BBS9: variants seen among roughly 807,000 people sequenced by gnomAD.
BBS9 encodes the protein Bardet-Biedl syndrome 9, also known as protein PTHB1.
BBS9 carries 89 observed loss-of-function variants against 117.7 expected under a neutral mutation model. That is an observed-to-expected ratio of 0.76 (90% CI 0.64 to 0.90). BBS9 has a LOEUF of 0.90. BBS9 is among the 40% of genes least tolerant of loss of function. BBS9 has a pLI of 0.00. For missense variants in BBS9, 982 were observed against 1,042.2 expected (o/e 0.94, Z 0.80); for synonymous variants, 379 against 370.9 (o/e 1.02, Z -0.25).
chr7:33,287,299 C>G (rs1353868162), intron 9 of BBS9, among the ~76,000 whole-genome samples: 2 of 152,134 alleles, frequency 1.3e-5, no homozygotes, highest in African/African-American at 4.8e-5. Context: ...CTTTCTAAGT[C>G]TTTAACACAT....
chr7:33,501,918 C>CT (rs35871405), intron 19 of BBS9, among the ~76,000 whole-genome samples: 24,016 of 147,728 alleles, frequency 0.16, 2,580 homozygotes, highest in East Asian at 0.47. Context: ...AATATCTATT[C>CT]TTTTTTTTTT....
chr7:33,485,078 G>A (rs1324977185), intron 19 of BBS9, among the ~76,000 whole-genome samples: 2 of 152,158 alleles, frequency 1.3e-5, no homozygotes, highest in Non-Finnish European at 2.9e-5. Context: ...TCACTTATAA[G>A]TGGGAGCTGA....
chr7:33,185,504 T>C (rs928342724), intron 5 of BBS9, among the ~76,000 whole-genome samples: 4 of 152,176 alleles, frequency 2.6e-5, no homozygotes, highest in Non-Finnish European at 4.4e-5. Context: ...ACTGTATAAA[T>C]TGCAAAAAGT....
At chr7:33,203,763 C>T (rs1786357160) in intron 5 of BBS9, among the ~76,000 whole-genome samples, 1 of 149,338 alleles carries the variant, frequency 6.7e-6, no homozygotes, top group Non-Finnish European at 1.5e-5. Flanking sequence ...TGCTCTGTCA[C>T]CCAGGCTGGA....
At chr7:33,427,605 G>A (rs1213800391) in intron 19 of BBS9, among the ~76,000 whole-genome samples, 1 of 152,128 alleles carries the variant, frequency 6.6e-6, no homozygotes, top group African/African-American at 2.4e-5. Flanking sequence ...AAATGGTGCT[G>A]GATTATTAGT....
intron 1 of BBS9, among the ~76,000 whole-genome samples, chr7:33,141,274 T>G (rs945094227): frequency 6.6e-6 from 1 of 152,118 alleles, no homozygotes; most frequent in African/African-American, 2.4e-5. Flanking sequence ...ATACAAAAAT[T>G]AGCTGGGCGT....
At chr7:33,413,023 C>T (rs1343150524) in intron 19 of BBS9, among the ~76,000 whole-genome samples, 8 of 152,156 alleles carry the variant, frequency 5.3e-5, no homozygotes, top group Admixed American at 2.6e-4. Flanking sequence ...TGGATACTCA[C>T]GACCTAGAAA....
intron 19 of BBS9, among the ~76,000 whole-genome samples, chr7:33,429,974 A>G (rs1834199876): frequency 2.0e-5 from 3 of 152,148 alleles, no homozygotes; most frequent in Non-Finnish European, 4.4e-5. Context: ...GTGGCCCATG[A>G]GGAAAGGGTC....
chr7:33,397,452 G>C (rs1828174207), intron 19 of BBS9, among the ~76,000 whole-genome samples: 1 of 152,198 alleles, frequency 6.6e-6, no homozygotes, highest in Middle Eastern at 3.4e-3. Context: ...ATTTGACCGA[G>C]CAATCCCATT....
chr7:33,550,634 T>TA (rs199596294), intron 21 of BBS9, among the ~76,000 whole-genome samples: 16 of 148,482 alleles, frequency 1.1e-4, no homozygotes, highest in South Asian at 2.1e-4. Context: ...TGCCAACCTT[T>TA]AAAAAAAAAA....
At chr7:33,479,036 C>T (rs1218909254) in intron 19 of BBS9, among the ~76,000 whole-genome samples, 1 of 152,108 alleles carries the variant, frequency 6.6e-6, no homozygotes, top group African/African-American at 2.4e-5. Context: ...CAAGGTATGG[C>T]TATAGAAAGT....
intron 4 of BBS9, among the ~76,000 whole-genome samples, chr7:33,169,897 T>C (rs71532568): frequency 0.063 from 9,488 of 151,736 alleles, 330 homozygotes; most frequent in African/African-American, 0.072. Flanking sequence ...ATGCCTATGT[T>C]CTGAATGGTA....
At chr7:33,327,051 G>A (rs1307476622) in intron 9 of BBS9, among the ~76,000 whole-genome samples, 4 of 152,076 alleles carry the variant, frequency 2.6e-5, no homozygotes. Flanking sequence ...GAAGCACTAG[G>A]ACTTGCCCAG....
intron 19 of BBS9, chr7:33,390,749 T>G: frequency 2.7e-6 from 1 of 372,454 alleles, no homozygotes; most frequent in Non-Finnish European, 3.7e-6. Context: ...TCTTGGTTCC[T>G]TATCATCTGC....
intron 5 of BBS9, among the ~76,000 whole-genome samples, chr7:33,199,366 T>C (rs542036150): frequency 5.9e-5 from 9 of 151,990 alleles, no homozygotes; most frequent in Non-Finnish European, 1.0e-4. Flanking sequence ...GGACCTCTAA[T>C]ATGCCTGAAA....
At position 33,273,076 on chromosome 7, in the gene BBS9, C is replaced by G. The variant is rs149790873; in HGVS notation, c.767C>G (p.Ser256Trp). 7.3e-5 allele frequency: 118 copies of G among 1,613,536 alleles called. No homozygotes were observed. Among genetic ancestry groups the G allele is most frequent in the Non-Finnish European group, 1.0e-4 (118 of 1,179,766 alleles). Residue 256 changes from serine (S) to tryptophan (W), a missense_variant, in exon 8 of 23, where the codon TCG becomes TGG. Coordinates refer to ENST00000242067, the MANE Select transcript of BBS9 (RefSeq NM_198428.3). ...ATATGTATTGTCTCTTTCAATCAGT[C>G]GGCATCCTCTGTTTTTGTTCTTGGT... The part of the protein sequence containing the change: ...LDICIVSFNQ[S>W]ASSVFVLGER...
In BBS9 at chr7:33,363,407, A is replaced by G. The variant is rs956513401; in HGVS notation, c.1694-4360A>G. 2.0e-5 allele frequency among the ~76,000 whole-genome samples: 3 copies of G among 152,292 alleles called. 1 individual carries two copies. Among genetic ancestry groups the G allele is most frequent in the South Asian group, 4.2e-4 (2 of 4,818 alleles). On this transcript the variant is annotated intron_variant, in intron 16 of 22. Transcript: ENST00000242067. The stretch of plus-strand genomic sequence containing the variant: ...CGTGAGCCACCCCACTTGGCTTACA[A>G]TTGATTTTCTTATATCAATCTTGTA...
At chr7:33,270,128 C>T (rs1354259563) in intron 7 of BBS9, among the ~76,000 whole-genome samples, 1 of 151,828 alleles carries the variant, frequency 6.6e-6, no homozygotes, top group Non-Finnish European at 1.5e-5. Context: ...ACTTTGAAAC[C>T]AAAGGCAAGA....
intron 5 of BBS9, among the ~76,000 whole-genome samples, chr7:33,205,484 T>C (rs1786731237): frequency 1.3e-5 from 2 of 152,236 alleles, no homozygotes; most frequent in Admixed American, 1.3e-4. Flanking sequence ...AATTTACATC[T>C]ACTGGAAAAT....
Sources: allele counts gnomAD v4.1 joint callset (sites outside exome capture counted in the v4.1 genomes callset), GRCh38; gene constraint gnomAD v4.1.1; transcripts MANE v1.5; gene names NCBI Gene and HGNC (gene_info 2026-07-23, HGNC 2026-07-21).